CSMD3: variants seen among roughly 807,000 people sequenced by gnomAD.
The protein encoded by CSMD3 is CUB and sushi domain-containing protein 3.
Under a neutral mutation model 435.2 loss-of-function variants are expected in CSMD3, and 177 were observed. The observed-to-expected ratio is 0.41, with a 90% CI of 0.36 to 0.46. CSMD3 has a LOEUF of 0.46. CSMD3 is among the 20% of genes least tolerant of loss of function. The pLI is 0.34. For missense variants in CSMD3, 4,265 were observed against 4,504.6 expected (o/e 0.95, Z 1.52); for synonymous variants, 1,656 against 1,520.5 (o/e 1.09, Z -2.07).
At position 112,859,343 on chromosome 8, in the gene CSMD3, G is replaced by T. The variant is rs185278690; in HGVS notation, c.1634-77C>A. ...ACAACAATAAAATATCTTGCAAATAGACTTTACATTCAAAATGACACAATT... is the reference window on the plus strand; with the variant it reads ...ACAACAATAAAATATCTTGCAAATATACTTTACATTCAAAATGACACAATT... On this transcript the variant is annotated intron_variant, in intron 10 of 70. Transcript: ENST00000297405. 4.2e-6 allele frequency: 5 copies of T among 1,189,090 alleles called. No individual in the cohort carries two copies. The East Asian group carries it at 9.7e-5, about 23-fold the overall frequency. 73.7% of individuals were successfully genotyped at this position (1,189,090 alleles called of 1,614,324 possible). A position where few individuals can be genotyped will look rare whatever the true frequency, so the allele number is the denominator to read the frequency against.
At chr8:113,043,329 T>C (rs982362815) in intron 5 of CSMD3, among the ~76,000 whole-genome samples, 1 of 152,146 alleles carries the variant, frequency 6.6e-6, no homozygotes, top group African/African-American at 2.4e-5. Flanking sequence ...TTTACACAGG[T>C]TTTATTCTTT....
chr8:112,760,832 G>A (rs139058947), intron 13 of CSMD3, among the ~76,000 whole-genome samples: 1 of 152,202 alleles, frequency 6.6e-6, no homozygotes, highest in African/African-American at 2.4e-5. Context: ...ATCTGCAAGG[G>A]TTTTCTAGTT....
intron 1 of CSMD3, among the ~76,000 whole-genome samples, chr8:113,385,110 T>C (rs1481402578): frequency 6.6e-6 from 1 of 152,132 alleles, no homozygotes; most frequent in Admixed American, 6.6e-5. Context: ...AATTCAAAAG[T>C]CAATTACCAG....
intron 32 of CSMD3, among the ~76,000 whole-genome samples, chr8:112,466,017 A>C (rs1207977433): frequency 6.6e-6 from 1 of 151,774 alleles, no homozygotes; most frequent in Non-Finnish European, 1.5e-5. Context: ...CGATTGCTCC[A>C]AATCTAAAAA....
intron 70 of CSMD3, among the ~76,000 whole-genome samples, chr8:112,227,100 G>A (rs1234689652): frequency 2.0e-5 from 3 of 152,066 alleles, no homozygotes; most frequent in Non-Finnish European, 4.4e-5. Flanking sequence ...GAAAATGAGT[G>A]TTCAAACAAA....
At chr8:112,449,941 C>T (rs1175516811) in intron 32 of CSMD3, among the ~76,000 whole-genome samples, 1 of 152,154 alleles carries the variant, frequency 6.6e-6, no homozygotes, top group Non-Finnish European at 1.5e-5. Context: ...CCAGGCTGGT[C>T]TTGAACTCCT....
intron 13 of CSMD3, among the ~76,000 whole-genome samples, chr8:112,770,204 C>T (rs1388511370): frequency 6.6e-6 from 1 of 151,960 alleles, no homozygotes; most frequent in South Asian, 2.1e-4. Flanking sequence ...TTGTCCACCT[C>T]CAGAATTCAT....
intron 22 of CSMD3, among the ~76,000 whole-genome samples, chr8:112,611,760 C>A (rs1833278753): frequency 6.6e-6 from 1 of 152,126 alleles, no homozygotes; most frequent in Non-Finnish European, 1.5e-5. Flanking sequence ...AATGTGCCTT[C>A]TTTGTCTACT....
At chr8:112,721,011 C>T (rs530265488) in intron 13 of CSMD3, among the ~76,000 whole-genome samples, 14 of 152,034 alleles carry the variant, frequency 9.2e-5, no homozygotes, top group Non-Finnish European at 1.8e-4. Context: ...ATTTCTGACC[C>T]TACAGTGCTT....
At chr8:113,094,341 G>T (rs1234781771) in intron 5 of CSMD3, among the ~76,000 whole-genome samples, 1 of 152,022 alleles carries the variant, frequency 6.6e-6, no homozygotes, top group African/African-American at 2.4e-5. Context: ...TTCTTCTTCT[G>T]CCTCACCCTT....
chr8:112,670,571 A>T (rs2075633006), intron 16 of CSMD3, among the ~76,000 whole-genome samples: 1 of 152,162 alleles, frequency 6.6e-6, no homozygotes, highest in African/African-American at 2.4e-5. Flanking sequence ...AGATAGGCAG[A>T]ATATACAAGG....
chr8:113,012,977 C>T (rs1016786528), intron 6 of CSMD3, among the ~76,000 whole-genome samples: 12 of 151,812 alleles, frequency 7.9e-5, no homozygotes, highest in East Asian at 1.9e-4. Context: ...TTATTAACAA[C>T]GGATATGGTG....
At chr8:112,861,086 T>C (rs1005347680) in intron 10 of CSMD3, among the ~76,000 whole-genome samples, 2 of 151,856 alleles carry the variant, frequency 1.3e-5, no homozygotes, top group African/African-American at 2.4e-5. Context: ...GCATAATATA[T>C]ACTCCTCGAG....
intron 32 of CSMD3, among the ~76,000 whole-genome samples, chr8:112,411,077 A>T (rs1811284281): frequency 1.3e-5 from 2 of 150,706 alleles, no homozygotes; most frequent in African/African-American, 4.9e-5. Flanking sequence ...TAAAATACAC[A>T]GGTATCCAAG....
chr8:112,282,466 A>G (rs1280654237), intron 58 of CSMD3, among the ~76,000 whole-genome samples: 3 of 152,160 alleles, frequency 2.0e-5, no homozygotes, highest in Non-Finnish European at 1.5e-5. Flanking sequence ...ATCATGATCC[A>G]TAGCTTGACG....
Position 112,682,585 on chromosome 8 carries a change from C to T in CSMD3, c.2534G>A (p.Arg845Gln), listed in dbSNP as rs754786650. 1.1e-5 allele frequency: 18 copies of T among 1,613,652 alleles called. No homozygotes were observed. The highest frequency in any genetic ancestry group is 1.7e-4 in the Middle Eastern group (1 of 6,054). The change falls in exon 16 of 71, where the codon CGG becomes CAG. Residue 845 changes from arginine to glutamine, a missense_variant. This residue lies in a region of CSMD3 where 279 missense variants were observed against 369.0 expected (regional missense o/e 0.76). Coordinates refer to ENST00000297405, the MANE Select transcript of CSMD3 (RefSeq NM_198123.2). ...PDPGIPINAR[R>Q]FGDNFQLGSS... is the part of the protein sequence containing the mutation. The stretch of plus-strand genomic sequence containing the variant: ...TCCTAATTGAAAGTTGTCCCCAAAC[C>T]GCCGTGCATTGATTGGTATTCCAGG...
chr8:112,310,854 A>G, intron 50 of CSMD3, 124 bp downstream of exon 50: 1 of 795,052 alleles, frequency 1.3e-6, no homozygotes, highest in Non-Finnish European at 2.2e-6. Context: ...GTTTTTATGA[A>G]AAGAGTTCAC....
At chr8:113,128,318 CA>C (rs1043135450) in intron 4 of CSMD3, among the ~76,000 whole-genome samples, 2 of 151,140 alleles carry the variant, frequency 1.3e-5, no homozygotes, top group Non-Finnish European at 3.0e-5. Flanking sequence ...GGTAGGAAGG[CA>C]AAAAAATACA....
chr8:113,098,654 T>A, intron 5 of CSMD3, 102 bp downstream of exon 5: 1 of 809,404 alleles, frequency 1.2e-6, no homozygotes, highest in African/African-American at 1.7e-5. Flanking sequence ...CTGTAAGATC[T>A]TTTAAATATC....
Sources: gnomAD v4.1 joint callset for allele counts (sites outside exome capture counted in the v4.1 genomes callset) on GRCh38, gnomAD v4.1.1 for gene constraint, gnomAD v4.1.1 regional missense constraint, MANE v1.5 for transcripts, NCBI Gene and HGNC (gene_info 2026-07-23, HGNC 2026-07-21) for gene names.